PEAK1: variants seen among roughly 807,000 people sequenced by gnomAD.
The protein encoded by PEAK1 is inactive tyrosine-protein kinase PEAK1.
Under a neutral mutation model 124.7 loss-of-function variants are expected in PEAK1, and 54 were observed. The observed-to-expected ratio is 0.43, with a 90% confidence interval of 0.35 to 0.54. The LOEUF is 0.54. Ranked by LOEUF, PEAK1 falls within the 20% of genes least tolerant of loss-of-function variation. The probability of loss-of-function intolerance (pLI) is 0.01; values close to 1 mark genes in which losing one functional copy is unlikely to be tolerated. For synonymous variants in PEAK1, 719 were observed against 760.0 expected (o/e 0.95, Z 0.89); for missense variants, 2,046 against 2,134.5 (o/e 0.96, Z 0.82).
At chr15:77,233,024 G>A (rs1020074282) in intron 6 of PEAK1, among the ~76,000 whole-genome samples, 20 of 152,174 alleles carry the variant, frequency 1.3e-4, no homozygotes, top group African/African-American at 4.8e-4. Flanking sequence ...TGGGATTACA[G>A]GCGTGAGCCA....
At chr15:77,354,934 G>A (rs974387134) in intron 2 of PEAK1, among the ~76,000 whole-genome samples, 35 of 152,014 alleles carry the variant, frequency 2.3e-4, no homozygotes, top group African/African-American at 8.5e-4. Context: ...AGCTACTCGG[G>A]AGGCTGAGGC....
intron 2 of PEAK1, among the ~76,000 whole-genome samples, chr15:77,299,937 T>C (rs1233615991): frequency 6.6e-6 from 1 of 152,242 alleles, no homozygotes; most frequent in East Asian, 1.9e-4. Flanking sequence ...TTTAGTCTGA[T>C]GCTCAAACTG....
intron 7 of PEAK1, among the ~76,000 whole-genome samples, chr15:77,161,894 G>A (rs971734149): frequency 5.3e-5 from 8 of 150,430 alleles, no homozygotes; most frequent in Admixed American, 5.3e-4. Context: ...TGAACTCAGG[G>A]GGCAGAGGTT....
Position 77,341,889 on chromosome 15 carries a change from T to C in PEAK1, c.-603+23274A>G, listed in dbSNP as rs2066557208. Reference sequence around the variant, plus strand: ...AACTGTGTATGGGGATGGGGAGCTCTGTACTGTCTGAAGTGTTTGTAAAAA... The same window carrying C: ...AACTGTGTATGGGGATGGGGAGCTCCGTACTGTCTGAAGTGTTTGTAAAAA... On this transcript the variant is annotated intron_variant, in intron 2 of 9. Coordinates refer to ENST00000682557, the MANE Select transcript of PEAK1 (RefSeq NM_001385026.1). 2.6e-5 allele frequency among the ~76,000 whole-genome samples: 4 copies of C among 152,174 alleles called. No individual in the cohort carries two copies. In the South Asian group the frequency reaches 8.3e-4, roughly 32 times the overall value.
Position 77,320,559 on chromosome 15 carries a change from T to G in PEAK1, c.-602-34055A>C, listed in dbSNP as rs16968771. Among the ~76,000 whole-genome samples, 769 of 152,290 alleles carry G rather than the reference T, an allele frequency of 5.0e-3. 5 individuals are homozygous for G. Among genetic ancestry groups the G allele is most frequent in the African/African-American group, 0.017 (714 of 41,558 alleles). ...TTTATGCCTTGCCTTGGTAGTTCAT[T>G]GTTTTTCGTATCTGGGAGTTAAATG... On this transcript the variant is annotated intron_variant, in intron 2 of 9. Coordinates refer to ENST00000682557, the MANE Select transcript of PEAK1 (RefSeq NM_001385026.1).
At chr15:77,286,578 T>A in intron 2 of PEAK1, 74 bp from the exon 3 acceptor site, 1 of 666,972 alleles carries the variant, frequency 1.5e-6, no homozygotes, top group East Asian at 3.4e-5. Flanking sequence ...CTGAGCATTC[T>A]TTAATTCACC....
At chr15:77,407,922 TAC>T (rs2071983001) in intron 1 of PEAK1, among the ~76,000 whole-genome samples, 4 of 148,966 alleles carry the variant, frequency 2.7e-5, no homozygotes, top group East Asian at 2.0e-4. Flanking sequence ...TACACATATA[TAC>T]ATATATACAC....
At chr15:77,130,912 C>G (rs2052800224) in intron 9 of PEAK1, among the ~76,000 whole-genome samples, 1 of 152,128 alleles carries the variant, frequency 6.6e-6, no homozygotes, top group South Asian at 2.1e-4. Context: ...TTTCTTTTAA[C>G]CAAACAACAG....
intron 1 of PEAK1, among the ~76,000 whole-genome samples, chr15:77,378,165 T>A (rs549431144): frequency 6.8e-6 from 1 of 147,556 alleles, no homozygotes; most frequent in East Asian, 2.0e-4. Flanking sequence ...TTCTAAGGAC[T>A]GCACTGACTC....
intron 6 of PEAK1, among the ~76,000 whole-genome samples, chr15:77,249,550 C>T (rs908609568): frequency 6.6e-6 from 1 of 152,098 alleles, no homozygotes; most frequent in African/African-American, 2.4e-5. Flanking sequence ...AAATTTTGGA[C>T]ACAACCAGCT....
At chr15:77,201,438 T>A (rs1273378680) in intron 6 of PEAK1, among the ~76,000 whole-genome samples, 4 of 151,742 alleles carry the variant, frequency 2.6e-5, no homozygotes, top group Admixed American at 2.6e-4. Context: ...TGGGGTTTCA[T>A]CGTGTTAGCC....
intron 2 of PEAK1, among the ~76,000 whole-genome samples, chr15:77,322,351 G>T (rs1449172032): frequency 6.6e-6 from 1 of 152,102 alleles, no homozygotes; most frequent in Non-Finnish European, 1.5e-5. Flanking sequence ...CTGGTTTTTT[G>T]AAAGGATCAA....
Position 77,109,151 on chromosome 15 carries a change from C to T in PEAK1, c.*5005G>A, listed in dbSNP as rs1480280152. The T allele has an allele frequency of 6.6e-6, 1 of 152,066 alleles. No homozygotes were observed. The highest frequency in any genetic ancestry group is 2.4e-5 in the African/African-American group (1 of 41,376). The allele number at this position is 152,066 out of a possible 1,614,324, so 9.4% of individuals were successfully genotyped here. A position where few individuals can be genotyped will look rare whatever the true frequency, so the allele number is the denominator to read the frequency against. On this transcript the variant is annotated 3_prime_UTR_variant, in exon 10 of 10. Transcript: ENST00000682557. ...ATTTCCCAAGAGTTCTTTAAACAAA[C>T]CTATTTAAACTACCATATCTCTTTA...
intron 9 of PEAK1, among the ~76,000 whole-genome samples, chr15:77,122,479 AT>A (rs2052006725): frequency 6.6e-6 from 1 of 152,214 alleles, no homozygotes; most frequent in African/African-American, 2.4e-5. Context: ...GAGTAGTCCA[AT>A]AACCAGCTCA....
At chr15:77,196,554 T>A (rs941248176) in intron 6 of PEAK1, among the ~76,000 whole-genome samples, 3 of 152,116 alleles carry the variant, frequency 2.0e-5, no homozygotes, top group Non-Finnish European at 4.4e-5. Context: ...GAGCAGCTGA[T>A]TAGGTAGGGA....
intron 1 of PEAK1, among the ~76,000 whole-genome samples, chr15:77,397,707 T>C (rs1160439911): frequency 6.6e-6 from 1 of 152,074 alleles, no homozygotes. Context: ...CCAACACACA[T>C]ACAACCTACA....
At chr15:77,316,498 A>G (rs1327458794) in intron 2 of PEAK1, among the ~76,000 whole-genome samples, 1 of 152,196 alleles carries the variant, frequency 6.6e-6, no homozygotes, top group Non-Finnish European at 1.5e-5. Context: ...CTCTCTAATA[A>G]GCACTTACAT....
At chr15:77,115,358 T>TA in intron 9 of PEAK1, 39 bp from the exon 10 acceptor site, 1 of 1,551,628 alleles carries the variant, frequency 6.4e-7, no homozygotes, top group Non-Finnish European at 8.8e-7. Context: ...CACACTCTCA[T>TA]AACCAGGTTT....
intron 9 of PEAK1, among the ~76,000 whole-genome samples, chr15:77,124,363 C>A (rs993838934): frequency 2.0e-5 from 3 of 152,196 alleles, no homozygotes; most frequent in Admixed American, 6.5e-5. Flanking sequence ...AGTACCAAAC[C>A]CATATTTTTA....
Sources: allele counts gnomAD v4.1 joint callset (sites outside exome capture counted in the v4.1 genomes callset), GRCh38; gene constraint gnomAD v4.1.1; transcripts MANE v1.5; gene names NCBI Gene and HGNC (gene_info 2026-07-23, HGNC 2026-07-21).